The following AHCTF1 variants were observed in gnomAD, a reference collection of about 807,000 sequenced individuals.
AHCTF1 encodes protein ELYS.
Under a neutral mutation model 248.4 loss-of-function variants are expected in AHCTF1, and 24 were observed. The observed-to-expected ratio is 0.10, with a 90% confidence interval of 0.07 to 0.14. AHCTF1 has a LOEUF of 0.14. AHCTF1 is among the 10% of genes least tolerant of loss of function. AHCTF1 has a pLI of 1.00. For missense variants in AHCTF1, 2,206 were observed against 2,636.2 expected (o/e 0.84, Z 3.57); for synonymous variants, 786 against 929.8 (o/e 0.85, Z 2.81).
At chr1:246,919,921 A>C (rs1368892133) in intron 1 of AHCTF1, among the ~76,000 whole-genome samples, 1 of 151,864 alleles carries the variant, frequency 6.6e-6, no homozygotes, top group Non-Finnish European at 1.5e-5. Context: ...CAGGAGGATC[A>C]TGAGCTCAAG....
chr1:246,924,007 G>A (rs1666759963), intron 1 of AHCTF1, among the ~76,000 whole-genome samples: 1 of 150,890 alleles, frequency 6.6e-6, no homozygotes, highest in Admixed American at 6.6e-5. Flanking sequence ...ATATAAATCT[G>A]GCAAAAGAGA....
intron 1 of AHCTF1, 195 bp downstream of exon 1, chr1:246,931,383 T>C: frequency 6.6e-7 from 1 of 1,511,868 alleles, no homozygotes; most frequent in South Asian, 1.3e-5. Flanking sequence ...CCCGCGAGCC[T>C]GCCGTACCCG....
At chr1:246,866,837 C>T (rs904842025) in intron 26 of AHCTF1, among the ~76,000 whole-genome samples, 9 of 152,078 alleles carry the variant, frequency 5.9e-5, no homozygotes, top group African/African-American at 1.7e-4. Context: ...AAGATGTAAA[C>T]GTGCTGCATC....
Position 246,843,834 on chromosome 1 carries a change from T to G in AHCTF1, c.6486A>C (p.Gln2162His). 6.7e-7 allele frequency: 1 copy of G among 1,497,436 alleles called. No individual in the cohort carries two copies. 92.8% of individuals were successfully genotyped at this position (1,497,436 alleles called of 1,614,324 possible). Residue 2162 changes from glutamine to histidine, a missense_variant, in exon 34 of 36, where the codon CAA becomes CAC. Physicochemically the swap from Gln to His is conservative, Grantham distance 24. Around this residue, in one of 6 missense-constraint regions of AHCTF1, gnomAD observed 469 missense variants for 470.0 expected, o/e 1.00. Transcript: ENST00000648844. ...GCTTGTTCTTATTGGATGTGTTTTT[T>G]TGTCTGCTCCTTAAAGCAGGAGGTG... ...VISPPALRSRQKNTSNKNKLE... is the reference protein window; with the variant it reads ...VISPPALRSRHKNTSNKNKLE...
chr1:246,864,954 T>C (rs1322728381), intron 26 of AHCTF1, among the ~76,000 whole-genome samples: 2 of 151,596 alleles, frequency 1.3e-5, no homozygotes, highest in Non-Finnish European at 2.9e-5. Context: ...TCAATGAGTT[T>C]GGTGACAAAG....
At chr1:246,900,841 G>A (rs758648190) in intron 8 of AHCTF1, among the ~76,000 whole-genome samples, 1 of 152,146 alleles carries the variant, frequency 6.6e-6, no homozygotes, top group Non-Finnish European at 1.5e-5. Flanking sequence ...TACCTAAAAC[G>A]GATGCTTTTG....
chr1:246,863,813 T>C, intron 27 of AHCTF1, 111 bp downstream of exon 27: 1 of 1,093,032 alleles, frequency 9.1e-7, no homozygotes, highest in Non-Finnish European at 1.4e-6. Flanking sequence ...TTAAAGCATT[T>C]CCCAGCACTC....
chr1:246,914,761 T>C (rs1045365246), intron 3 of AHCTF1, among the ~76,000 whole-genome samples: 2 of 152,310 alleles, frequency 1.3e-5, no homozygotes, highest in Non-Finnish European at 2.9e-5. Context: ...TTATTCTATA[T>C]TCTCTCTTCC....
chr1:246,911,972 C>G (rs930905346), intron 4 of AHCTF1, among the ~76,000 whole-genome samples: 1 of 149,600 alleles, frequency 6.7e-6, no homozygotes, highest in Non-Finnish European at 1.5e-5. Context: ...CTTGCTCTGT[C>G]GCCCAGGCTG....
At chr1:246,876,770 A>C (rs1377231203) in intron 23 of AHCTF1, among the ~76,000 whole-genome samples, 180 bp downstream of exon 23, 1 of 152,220 alleles carries the variant, frequency 6.6e-6, no homozygotes, top group African/African-American at 2.4e-5. Flanking sequence ...CATACGTAAA[A>C]GAATTACGTG....
intron 4 of AHCTF1, among the ~76,000 whole-genome samples, chr1:246,909,310 G>C (rs1007987828): frequency 6.9e-6 from 1 of 145,414 alleles, no homozygotes; most frequent in Non-Finnish European, 1.5e-5. Flanking sequence ...CCAGCTACTT[G>C]GGAGGCTGAG....
At position 246,884,700 on chromosome 1, in the gene AHCTF1, C is replaced by A. The variant is rs1663690642; in HGVS notation, c.2660+793G>T. ...CATTATTATGTAAATGACAAATACA[C>A]TGATTAGAGAACATTAAAATCTGCA... On this transcript the variant is annotated intron_variant, in intron 21 of 35. Transcript: ENST00000648844. Among the ~76,000 whole-genome samples, 2 of 152,258 alleles carry A rather than the reference C, an allele frequency of 1.3e-5. 1 individual carries two copies. The highest frequency in any genetic ancestry group is 1.3e-4 in the Admixed American group (2 of 15,286).
At chr1:246,900,297 A>C in intron 9 of AHCTF1, 40 bp downstream of exon 9, 8 of 1,584,448 alleles carry the variant, frequency 5.0e-6, no homozygotes, top group African/African-American at 1.4e-5. Flanking sequence ...TACACATACA[A>C]ATACAAAGAG....
Position 246,849,826 on chromosome 1 carries a change from T to A in AHCTF1, c.6180A>T (p.Ser2060=), listed in dbSNP as rs369759637. The change falls in exon 33 of 36, where the codon TCA becomes TCT. Residue 2060 remains serine, a synonymous_variant. Transcript: ENST00000648844. The part of the protein sequence containing the change: ...KKTESQSQKR[S]LHSVSEERTD... The stretch of plus-strand genomic sequence containing the variant: ...TGCGTTCTTCTGATACTGAGTGCAA[T>A]GAACGTTTTTGGCTTTGACTTTCAG... 2 of 1,613,990 alleles carry A rather than the reference T, an allele frequency of 1.2e-6. No homozygotes were observed. Among genetic ancestry groups the A allele is most frequent in the Non-Finnish European group, 1.7e-6 (2 of 1,179,858 alleles).
chr1:246,910,496 G>C (rs1665724269), intron 4 of AHCTF1, among the ~76,000 whole-genome samples: 1 of 152,200 alleles, frequency 6.6e-6, no homozygotes, highest in Non-Finnish European at 1.5e-5. Flanking sequence ...AGAAAAGAGG[G>C]AAAGGAGGAA....
At position 246,901,038 on chromosome 1, in the gene AHCTF1, T is replaced by C. The variant is rs149419984; in HGVS notation, c.1118-569A>G. Among the ~76,000 whole-genome samples, 29 of 152,020 alleles carry C rather than the reference T, an allele frequency of 1.9e-4. No homozygotes were observed. The East Asian group carries it at 5.6e-3, about 29-fold the overall frequency. On this transcript the variant is annotated intron_variant, in intron 8 of 35. Transcript: ENST00000648844. The stretch of plus-strand genomic sequence containing the variant: ...CACTACTATAAGGAAATAGGAAGAA[T>C]GGGGAATAAGAGAGAGCATGGCCAG...
chr1:246,842,045 G>A (rs990110417), intron 35 of AHCTF1, among the ~76,000 whole-genome samples: 4 of 147,090 alleles, frequency 2.7e-5, no homozygotes, highest in Admixed American at 6.8e-5. Context: ...CACCCACCTC[G>A]GCCTCCCAAA....
chr1:246,869,236 T>C (rs201638378), intron 24 of AHCTF1, among the ~76,000 whole-genome samples: 9 of 152,054 alleles, frequency 5.9e-5, no homozygotes, highest in South Asian at 2.1e-4. Flanking sequence ...GTGTACTTAC[T>C]CCACTGACTA....
chr1:246,888,541 CT>C, intron 17 of AHCTF1, 24 bp from the exon 18 acceptor site: 1 of 1,611,674 alleles, frequency 6.2e-7, no homozygotes, highest in Non-Finnish European at 8.5e-7. Context: ...AAAATTAAGA[CT>C]TATTTAATAT....
Sources: allele counts gnomAD v4.1 joint callset (sites outside exome capture counted in the v4.1 genomes callset), GRCh38; gene constraint gnomAD v4.1.1; regional missense constraint gnomAD v4.1.1; transcripts MANE v1.5; gene names NCBI Gene and HGNC (gene_info 2026-07-23, HGNC 2026-07-21).